The following CSGALNACT1 variants were observed in gnomAD, a reference collection of about 807,000 sequenced individuals.
The protein encoded by CSGALNACT1 is beta4GalNAcT-1.
CSGALNACT1 carries 52 observed loss-of-function variants against 51.0 expected under a neutral mutation model. The ratio of observed to expected loss-of-function variants is 1.02; its 90% CI spans 0.82 to 1.29. CSGALNACT1 has a LOEUF of 1.29. Among genes scored for constraint, CSGALNACT1 ranks in the 50% most tolerant of loss-of-function variants. The pLI, the probability that CSGALNACT1 is intolerant of heterozygous loss-of-function variation, is 0.00. For missense variants in CSGALNACT1, 935 were observed against 679.2 expected, an observed-to-expected ratio of 1.38 and a Z score of -4.19; for synonymous variants, 341 against 254.4, an observed-to-expected ratio of 1.34 and a Z score of -3.24.
intron 4 of CSGALNACT1, among the ~76,000 whole-genome samples, chr8:19,471,607 G>A (rs1402440643): frequency 2.0e-5 from 3 of 152,100 alleles, no homozygotes; most frequent in Non-Finnish European, 4.4e-5. Flanking sequence ...GTTCGACGCC[G>A]GTAACTCAGG....
intron 1 of CSGALNACT1, among the ~76,000 whole-genome samples, chr8:19,680,534 C>A (rs1251013134): frequency 1.6e-4 from 20 of 124,748 alleles, no homozygotes; most frequent in African/African-American, 5.7e-4. Flanking sequence ...CCAGCCTGGG[C>A]AACAAAGGAA....
intron 1 of CSGALNACT1, among the ~76,000 whole-genome samples, chr8:19,609,539 A>G (rs926567014): frequency 2.0e-5 from 3 of 151,926 alleles, no homozygotes; most frequent in African/African-American, 4.8e-5. Context: ...ATTGATACAC[A>G]TATCAGCATG....
intron 1 of CSGALNACT1, among the ~76,000 whole-genome samples, chr8:19,715,204 G>C (rs1197010345): frequency 6.6e-6 from 1 of 152,132 alleles, no homozygotes; most frequent in East Asian, 1.9e-4. Flanking sequence ...TCACTACCAC[G>C]AGAACAGTAT....
At chr8:19,441,024 C>A (rs183415793) in intron 5 of CSGALNACT1, among the ~76,000 whole-genome samples, 36 of 152,164 alleles carry the variant, frequency 2.4e-4, no homozygotes, top group African/African-American at 8.4e-4. Flanking sequence ...ATATGAAGGA[C>A]CTCTTCAAGG....
chr8:19,702,112 C>T (rs1323175573), intron 1 of CSGALNACT1, among the ~76,000 whole-genome samples: 1 of 152,038 alleles, frequency 6.6e-6, no homozygotes, highest in Non-Finnish European at 1.5e-5. Context: ...TAACAGATGC[C>T]CTTGTTTCTG....
At chr8:19,626,926 G>C (rs937270753) in intron 1 of CSGALNACT1, among the ~76,000 whole-genome samples, 2 of 152,194 alleles carry the variant, frequency 1.3e-5, no homozygotes, top group Admixed American at 6.5e-5. Flanking sequence ...AGCATGTAGA[G>C]GAACTGGGTC....
chr8:19,491,418 C>T lies in CSGALNACT1; in HGVS notation c.634+13783G>A, dbSNP rs763166757. ...TGGAAAAAGCTATGAATATTTTGAACGTTCTTGATACAAATTACTTTACAG... is the reference window on the plus strand; with the variant it reads ...TGGAAAAAGCTATGAATATTTTGAATGTTCTTGATACAAATTACTTTACAG... On this transcript the variant is annotated intron_variant, in intron 4 of 9. Coordinates refer to ENST00000454498, the Ensembl canonical transcript of CSGALNACT1. Among the ~76,000 whole-genome samples, 3 of 152,116 alleles carry T rather than the reference C, an allele frequency of 2.0e-5. 1 individual carries two copies. Among genetic ancestry groups the T allele is most frequent in the Admixed American group, 1.3e-4 (2 of 15,274 alleles).
rs752524906 is a variant in CSGALNACT1 at position 19,595,510 on chromosome 8, A to AT, written c.-415-4233dup. ...CATTTATTTTAAGAACTTAAATATG[A>AT]TTTTCATGAAAAAATTAAAGTATCA... On this transcript the variant is annotated intron_variant, in intron 2 of 9. Transcript: ENST00000454498. 2.6e-5 allele frequency among the ~76,000 whole-genome samples: 4 copies of AT among 152,196 alleles called. No homozygotes were observed. In the East Asian group the frequency reaches 5.8e-4, roughly 22 times the overall value.
intron 1 of CSGALNACT1, among the ~76,000 whole-genome samples, chr8:19,722,390 G>T (rs1402256923): frequency 2.0e-5 from 3 of 152,092 alleles, no homozygotes; most frequent in African/African-American, 7.2e-5. Flanking sequence ...ATAATTTCTT[G>T]GATGCTTACT....
intron 1 of CSGALNACT1, among the ~76,000 whole-genome samples, chr8:19,666,831 GAGAAAGAAAGAA>G (rs34197786): frequency 7.2e-4 from 18 of 24,936 alleles, no homozygotes; most frequent in South Asian, 2.7e-3. Flanking sequence ...GAGAGAGAGA[GAGAAAGAAAGAA>G]AGAAAGAAAG....
intron 1 of CSGALNACT1, among the ~76,000 whole-genome samples, chr8:19,740,444 C>A (rs143685927): frequency 1.3e-5 from 2 of 152,310 alleles, no homozygotes; most frequent in Admixed American, 6.5e-5. Context: ...CAGTGACGGG[C>A]GCACAGCAGA....
chr8:19,587,380 C>T (rs1426828212), intron 3 of CSGALNACT1, among the ~76,000 whole-genome samples: 1 of 152,220 alleles, frequency 6.6e-6, no homozygotes, highest in Non-Finnish European at 1.5e-5. Context: ...TCAAAGGCTA[C>T]TGGGTGAGGC....
rs145227334 is a variant in CSGALNACT1 at position 19,662,221 on chromosome 8, T to C, written c.-544+20252A>G. Among the ~76,000 whole-genome samples, 624 of 151,564 alleles carry C rather than the reference T, an allele frequency of 4.1e-3. 5 individuals are homozygous for C. The highest frequency in any genetic ancestry group is 5.8e-3 in the Non-Finnish European group (393 of 67,858). On this transcript the variant is annotated intron_variant, in intron 1 of 9. Transcript: ENST00000332246. ...CAACATGGTGAAACCCCATCTCCAC[T>C]ACAAATACAAAACTAGCCAGGCGTG...
At chr8:19,638,296 A>C (rs1029735187) in intron 1 of CSGALNACT1, among the ~76,000 whole-genome samples, 1 of 152,156 alleles carries the variant, frequency 6.6e-6, no homozygotes, top group African/African-American at 2.4e-5. Context: ...CTGCTGCTCC[A>C]AAAAGCAGAG....
chr8:19,599,155 T>C (rs1355149678), intron 2 of CSGALNACT1, among the ~76,000 whole-genome samples: 2 of 148,132 alleles, frequency 1.4e-5, no homozygotes, highest in Non-Finnish European at 3.0e-5. Context: ...AGAGAGCTAG[T>C]GTCAGGGGAG....
rs140290682 is a variant in CSGALNACT1 at position 19,405,802 on chromosome 8, TTC to T, written c.1575_1576del (p.Lys526AspfsTer3). ...AGTTCATGTTTTTTTGCTACTTGTC[TTC>T]TGTTTCTGTTTGCGAAGGTGAGCCT... On this transcript the variant is annotated frameshift_variant, in exon 10 of 10. Transcript: ENST00000454498. LOFTEE classifies it high-confidence loss of function. The T allele has an allele frequency of 3.3e-4, 528 of 1,614,190 alleles. 3 individuals are homozygous for T. The African/African-American group carries it at 6.7e-3, about 21-fold the overall frequency.
chr8:19,512,886 C>CA (rs2078722840), intron 3 of CSGALNACT1, among the ~76,000 whole-genome samples: 1 of 152,166 alleles, frequency 6.6e-6, no homozygotes, highest in South Asian at 2.1e-4. Flanking sequence ...CCAGAGTCAA[C>CA]AATGGTGTGT....
intron 1 of CSGALNACT1, among the ~76,000 whole-genome samples, chr8:19,609,466 C>G (rs1337175523): frequency 6.6e-6 from 1 of 150,840 alleles, no homozygotes; most frequent in Non-Finnish European, 1.5e-5. Context: ...GTAAGCAAGA[C>G]AAGGATAAAC....
At chr8:19,484,762 G>T (rs972770847) in intron 4 of CSGALNACT1, among the ~76,000 whole-genome samples, 1 of 152,180 alleles carries the variant, frequency 6.6e-6, no homozygotes, top group South Asian at 2.1e-4. Context: ...AAGTACTTTT[G>T]TGGGCTTTTA....
Sources: gnomAD v4.1 joint callset for allele counts (sites outside exome capture counted in the v4.1 genomes callset) on GRCh38, gnomAD v4.1.1 for gene constraint, MANE v1.5 for transcripts, NCBI Gene and HGNC (gene_info 2026-07-23, HGNC 2026-07-21) for gene names.